NUDT3: variants seen among roughly 807,000 people sequenced by gnomAD.
NUDT3 encodes nudix hydrolase 3, also known as diphosphoinositol polyphosphate phosphohydrolase 1.
NUDT3 carries 9 observed loss-of-function variants against 23.6 expected under a neutral mutation model. The ratio of observed to expected loss-of-function variants is 0.38; its 90% confidence interval spans 0.23 to 0.66. NUDT3 has a LOEUF of 0.66. NUDT3 is among the 30% of genes least tolerant of loss of function. NUDT3 has a pLI of 0.52. For missense variants in NUDT3, 172 were observed against 218.5 expected (o/e 0.79, Z 1.34); for synonymous variants, 86 against 82.6 (o/e 1.04, Z -0.22).
At position 34,370,870 on chromosome 6, in the gene NUDT3, G is replaced by A. The variant is rs1263568964; in HGVS notation, c.99+21394C>T. On this transcript the variant is annotated intron_variant, in intron 1 of 4. Transcript: ENST00000607016. ...TGTAATCCCAGCACTTTGAGAGGCC[G>A]AGGCAGGTGGATCACCTGAGGTCAG... Among the ~76,000 whole-genome samples the A allele has an allele frequency of 5.3e-5, 8 of 152,182 alleles. No homozygotes were observed. In the South Asian group the frequency reaches 1.0e-3, roughly 20 times the overall value.
At chr6:34,367,109 G>T (rs1006995378) in intron 1 of NUDT3, among the ~76,000 whole-genome samples, 56 of 152,052 alleles carry the variant, frequency 3.7e-4, no homozygotes, top group African/African-American at 1.3e-3. Context: ...GGCTGGTCTC[G>T]AACTCCTCAA....
intron 2 of NUDT3, 150 bp downstream of exon 2, chr6:34,341,712 G>A (rs1014946677): frequency 1.0e-5 from 6 of 577,670 alleles, no homozygotes; most frequent in South Asian, 3.2e-5. Context: ...TCCATCACCC[G>A]GTAATAAAGG....
chr6:34,353,440 ATTTT>A (rs11355875), intron 1 of NUDT3, among the ~76,000 whole-genome samples: 1 of 143,072 alleles, frequency 7.0e-6, no homozygotes, highest in Non-Finnish European at 1.5e-5. Context: ...ACTCCCAAGT[ATTTT>A]TTTTTTTTTT....
rs938433693 is a variant in NUDT3 at position 34,284,535 on chromosome 6, T to G, written c.*4218A>C. 9.3e-5 allele frequency: 14 copies of G among 150,520 alleles called. No individual in the cohort carries two copies. Among genetic ancestry groups the G allele is most frequent in the African/African-American group, 2.9e-4 (12 of 41,076 alleles). The allele number at this position is 150,520 out of a possible 1,614,324, so 9.3% of individuals were successfully genotyped here. A position where few individuals can be genotyped will look rare whatever the true frequency, so the allele number is the denominator to read the frequency against. On this transcript the variant is annotated 3_prime_UTR_variant, in exon 5 of 5. Transcript: ENST00000607016. ...TGAATGTGGCTTAGGCTAAGCTGTTTTTTTTTTTTTTTTTTTAAAGATGAG... is the reference window on the plus strand; with the variant it reads ...TGAATGTGGCTTAGGCTAAGCTGTTGTTTTTTTTTTTTTTTTAAAGATGAG...
Position 34,353,959 on chromosome 6 carries a change from A to G in NUDT3, c.100-11987T>C, listed in dbSNP as rs184626888. 1.2e-3 allele frequency among the ~76,000 whole-genome samples: 180 copies of G among 151,710 alleles called. 1 individual carries two copies. The East Asian group carries it at 0.013, about 11-fold the overall frequency. ...ACAGAGTTGCCCAAGCTGGAGTGCAATGGCATGGTCTCGGCTCACTGCAAC... is the reference window on the plus strand; with the variant it reads ...ACAGAGTTGCCCAAGCTGGAGTGCAGTGGCATGGTCTCGGCTCACTGCAAC... On this transcript the variant is annotated intron_variant, in intron 1 of 4. Coordinates refer to ENST00000607016, the MANE Select transcript of NUDT3 (RefSeq NM_006703.4).
At chr6:34,347,985 T>C (rs770248328) in intron 1 of NUDT3, among the ~76,000 whole-genome samples, 1 of 148,648 alleles carries the variant, frequency 6.7e-6, no homozygotes, top group Non-Finnish European at 1.5e-5. Flanking sequence ...AAAAAATAAA[T>C]AAATAAATAA....
chr6:34,364,611 T>C (rs917657836), intron 1 of NUDT3, among the ~76,000 whole-genome samples: 2 of 152,182 alleles, frequency 1.3e-5, no homozygotes, highest in Non-Finnish European at 2.9e-5. Context: ...GCCCAACCTT[T>C]ACCTTGATAA....
chr6:34,377,651 T>C (rs1398023389), intron 1 of NUDT3, among the ~76,000 whole-genome samples: 1 of 151,802 alleles, frequency 6.6e-6, no homozygotes, highest in African/African-American at 2.4e-5. Flanking sequence ...CTGGCAAACA[T>C]GGTGAAACCC....
At position 34,288,563 on chromosome 6, in the gene NUDT3, T is replaced by G; in HGVS notation, c.*190A>C. 2 of 749,428 alleles carry G rather than the reference T, an allele frequency of 2.7e-6. No individual in the cohort carries two copies. The highest frequency in any genetic ancestry group is 4.0e-6 in the Non-Finnish European group (2 of 494,194). The allele number at this position is 749,428 out of a possible 1,614,324, so 46.4% of individuals were successfully genotyped here. A position where few individuals can be genotyped will look rare whatever the true frequency, so the allele number is the denominator to read the frequency against. On this transcript the variant is annotated 3_prime_UTR_variant, in exon 5 of 5. Transcript: ENST00000607016. The stretch of plus-strand genomic sequence containing the variant: ...TTACACACCCAACCCCCACCCTCAA[T>G]AAAAACAGAAGAAAAAGCCCCATCA...
At chr6:34,355,689 T>TGGG (rs1219740325) in intron 1 of NUDT3, among the ~76,000 whole-genome samples, 1 of 99,792 alleles carries the variant, frequency 1.0e-5, no homozygotes, top group Non-Finnish European at 1.9e-5. Flanking sequence ...GCTGTTTTTT[T>TGGG]GGGGGGGTGG....
At position 34,282,825 on chromosome 6, in the gene NUDT3, A is replaced by G. The variant is rs1013186744; in HGVS notation, c.*5928T>C. The G allele has an allele frequency of 6.6e-6, 1 of 152,152 alleles. No individual in the cohort carries two copies. The highest frequency in any genetic ancestry group is 2.4e-5 in the African/African-American group (1 of 41,426). 9.4% of individuals were successfully genotyped at this position (152,152 alleles called of 1,614,324 possible). On this transcript the variant is annotated 3_prime_UTR_variant, in exon 5 of 5. Coordinates refer to ENST00000607016, the MANE Select transcript of NUDT3 (RefSeq NM_006703.4). ...TGTGTGCTTCCTGATAGGAAGTCAA[A>G]TAAGTTTTAGTATTAAGAACTGGGG...
intron 2 of NUDT3, among the ~76,000 whole-genome samples, chr6:34,314,366 A>G (rs542093066): frequency 2.9e-4 from 43 of 149,906 alleles, no homozygotes; most frequent in Non-Finnish European, 5.8e-4. Context: ...CAGCCTGGTC[A>G]ACATGGCATA....
At chr6:34,332,816 T>C (rs1764148024) in intron 2 of NUDT3, among the ~76,000 whole-genome samples, 1 of 152,194 alleles carries the variant, frequency 6.6e-6, no homozygotes, top group Non-Finnish European at 1.5e-5. Context: ...ATGTTCTCTA[T>C]TCTTGTGATA....
chr6:34,368,916 G>A (rs933844771), intron 1 of NUDT3, among the ~76,000 whole-genome samples: 3 of 152,178 alleles, frequency 2.0e-5, no homozygotes, highest in Non-Finnish European at 2.9e-5. Flanking sequence ...GGGATTACAG[G>A]AGTGAGCCAC....
intron 2 of NUDT3, among the ~76,000 whole-genome samples, chr6:34,297,774 T>C (rs1207156522): frequency 7.3e-6 from 1 of 137,250 alleles, no homozygotes. Context: ...TTTTTTTTTT[T>C]TTAGTAGAGA....
chr6:34,328,136 T>A (rs772851757), intron 2 of NUDT3, among the ~76,000 whole-genome samples: 1 of 152,206 alleles, frequency 6.6e-6, no homozygotes, highest in Non-Finnish European at 1.5e-5. Context: ...GCCTTCAGTC[T>A]CTTGCCTCGG....
At position 34,392,667 on chromosome 6, in the gene NUDT3, C is replaced by A; in HGVS notation, c.-305G>T. On this transcript the variant is annotated 5_prime_UTR_variant, in exon 1 of 5. Coordinates refer to ENST00000607016, the MANE Select transcript of NUDT3 (RefSeq NM_006703.4). ...CATCTTGGGCGCGATGCGTCAGCGGCGTAAGGCTGCACCGGCCTGCGGGAC... is the reference window on the plus strand; with the variant it reads ...CATCTTGGGCGCGATGCGTCAGCGGAGTAAGGCTGCACCGGCCTGCGGGAC... The A allele has an allele frequency of 5.2e-6, 1 of 191,384 alleles. No homozygotes were observed. 11.9% of individuals were successfully genotyped at this position (191,384 alleles called of 1,614,324 possible).
chr6:34,335,606 C>T (rs1009107080), intron 2 of NUDT3, among the ~76,000 whole-genome samples: 4 of 151,634 alleles, frequency 2.6e-5, no homozygotes, highest in Non-Finnish European at 5.9e-5. Flanking sequence ...ATTTCTGACT[C>T]ATGATTTTAA....
chr6:34,304,895 C>T (rs1040111566), intron 2 of NUDT3, among the ~76,000 whole-genome samples: 2 of 148,608 alleles, frequency 1.3e-5, no homozygotes, highest in African/African-American at 5.0e-5. Flanking sequence ...TGGTCTTGAA[C>T]TCCTGGGCTC....
Sources: allele counts gnomAD v4.1 joint callset (sites outside exome capture counted in the v4.1 genomes callset), GRCh38; gene constraint gnomAD v4.1.1; transcripts MANE v1.5; gene names NCBI Gene and HGNC (gene_info 2026-07-23, HGNC 2026-07-21).